SLCO5A1: variants seen among roughly 807,000 people sequenced by gnomAD.
The protein encoded by SLCO5A1 is solute carrier organic anion transporter family member 5A1, also known as organic anion transporter polypeptide-related protein 4.
SLCO5A1 carries 39 observed loss-of-function variants against 65.1 expected under a neutral mutation model. The observed-to-expected ratio is 0.60, with a 90% confidence interval of 0.46 to 0.78. The LOEUF is 0.78. SLCO5A1 is among the 30% of genes least tolerant of loss of function. The probability of loss-of-function intolerance (pLI) is 0.00; values close to 1 mark genes in which losing one functional copy is unlikely to be tolerated. For missense variants in SLCO5A1, 1,029 were observed against 1,069.4 expected (o/e 0.96, Z 0.53); for synonymous variants, 438 against 415.7 (o/e 1.05, Z -0.65).
At chr8:69,676,754 A>G (rs545319449) in intron 8 of SLCO5A1, 81 bp from the exon 9 acceptor site, 2 of 1,228,044 alleles carry the variant, frequency 1.6e-6, no homozygotes, top group South Asian at 2.6e-5. Context: ...GGCTTTGTGC[A>G]GAGCCAGGGA....
chr8:69,710,821 G>A (rs181118874), intron 5 of SLCO5A1, among the ~76,000 whole-genome samples: 97 of 152,296 alleles, frequency 6.4e-4, no homozygotes, highest in African/African-American at 2.2e-3. Context: ...CCATGAAAAT[G>A]TTCTTCGGCG....
At chr8:69,763,340 C>T (rs1246423267) in intron 2 of SLCO5A1, among the ~76,000 whole-genome samples, 5 of 151,034 alleles carry the variant, frequency 3.3e-5, no homozygotes, top group Admixed American at 6.6e-5. Context: ...ACAGGCCAGG[C>T]GCAGTGGCTC....
intron 2 of SLCO5A1, among the ~76,000 whole-genome samples, chr8:69,826,515 A>C (rs1467420556): frequency 2.0e-5 from 3 of 152,338 alleles, no homozygotes; most frequent in African/African-American, 7.2e-5. Flanking sequence ...ATGCAGCCAA[A>C]AAACACACGA....
At chr8:69,800,538 C>T (rs1032269503) in intron 2 of SLCO5A1, among the ~76,000 whole-genome samples, 1 of 152,128 alleles carries the variant, frequency 6.6e-6, no homozygotes, top group African/African-American at 2.4e-5. Context: ...CAAAGGGATA[C>T]CAACTGGCAT....
intron 7 of SLCO5A1, among the ~76,000 whole-genome samples, chr8:69,680,285 C>A (rs1021619393): frequency 1.3e-5 from 2 of 152,182 alleles, no homozygotes; most frequent in African/African-American, 4.8e-5. Flanking sequence ...ACCTCCCTCC[C>A]CATCTCCACC....
chr8:69,773,007 T>G (rs1290843509), intron 2 of SLCO5A1: 2 of 978,402 alleles, frequency 2.0e-6, no homozygotes, highest in African/African-American at 3.5e-5. Context: ...TATAATTAGT[T>G]GGGGAGGGAG....
intron 5 of SLCO5A1, among the ~76,000 whole-genome samples, chr8:69,729,688 AAGAG>A (rs144843428): frequency 6.6e-6 from 1 of 150,624 alleles, no homozygotes; most frequent in East Asian, 1.9e-4. Flanking sequence ...GAATAATTCA[AAGAG>A]AGAGAGAGAG....
Position 69,669,433 on chromosome 8 carries a change from A to C in SLCO5A1, c.*3436T>G, listed in dbSNP as rs555862186. On this transcript the variant is annotated 3_prime_UTR_variant, in exon 10 of 10. Coordinates refer to ENST00000260126, the MANE Select transcript of SLCO5A1 (RefSeq NM_030958.3). ...ATGAATAATGGAGTGAGAGAAATCT[A>C]TGTCTGAATCCTGACTTTACCATTC... 110 of 152,344 alleles carry C rather than the reference A, an allele frequency of 7.2e-4. No homozygotes were observed. Among genetic ancestry groups the C allele is most frequent in the African/African-American group, 2.6e-3 (107 of 41,584 alleles). 9.4% of individuals were successfully genotyped at this position (152,344 alleles called of 1,614,324 possible).
intron 2 of SLCO5A1, among the ~76,000 whole-genome samples, chr8:69,815,685 C>CACACACACAAA (rs1554529390): frequency 9.5e-5 from 14 of 147,086 alleles, no homozygotes; most frequent in African/African-American, 3.6e-4. Flanking sequence ...CACACACACA[C>CACACACACAAA]ACACAAAATT....
intron 2 of SLCO5A1, among the ~76,000 whole-genome samples, chr8:69,826,940 A>G (rs1441584121): frequency 2.0e-5 from 3 of 152,126 alleles, no homozygotes; most frequent in Non-Finnish European, 4.4e-5. Flanking sequence ...AACGTGGCAC[A>G]TATACACCAT....
At position 69,800,245 on chromosome 8, in the gene SLCO5A1, A is replaced by ATTTTTT. The variant is rs749384852; in HGVS notation, c.907+31516_907+31521dup. On this transcript the variant is annotated intron_variant, in intron 2 of 9. Coordinates refer to ENST00000260126, the MANE Select transcript of SLCO5A1 (RefSeq NM_030958.3). ...ATTTTGAAAATTCACAGACGCTTGA[A>ATTTTTT]TTTTTTTTTTTTTTTTTTTTTTTTT... Among the ~76,000 whole-genome samples, 9 of 81,300 alleles carry ATTTTTT rather than the reference A, an allele frequency of 1.1e-4. 1 individual carries two copies. Among genetic ancestry groups the ATTTTTT allele is most frequent in the African/African-American group, 4.1e-4 (8 of 19,334 alleles). 53.3% of individuals were successfully genotyped at this position (81,300 alleles called of 152,430 possible). A position where few individuals can be genotyped will look rare whatever the true frequency, so the allele number is the denominator to read the frequency against.
intron 2 of SLCO5A1, among the ~76,000 whole-genome samples, chr8:69,812,285 T>C (rs931661332): frequency 3.3e-5 from 5 of 152,128 alleles, no homozygotes; most frequent in Non-Finnish European, 7.4e-5. Flanking sequence ...AAGCAAGCTT[T>C]CAAAAAAATC....
chr8:69,748,526 A>C (rs575464888), intron 4 of SLCO5A1, among the ~76,000 whole-genome samples: 1 of 152,330 alleles, frequency 6.6e-6, no homozygotes, highest in South Asian at 2.1e-4. Flanking sequence ...AATTCGATAC[A>C]CAGAAAACAT....
rs570030104 is a variant in SLCO5A1 at position 69,704,200 on chromosome 8, C to CATGA, written c.1622+827_1622+830dup. ...TACAGGTCTGGGCCACTGCACCAGCCATGAGCCTTTTTTAGAGAGCCATTT... is the reference window on the plus strand; with the variant it reads ...TACAGGTCTGGGCCACTGCACCAGCCATGAATGAGCCTTTTTTAGAGAGCCATTT... On this transcript the variant is annotated intron_variant, in intron 6 of 9. Coordinates refer to ENST00000260126, the MANE Select transcript of SLCO5A1 (RefSeq NM_030958.3). Among the ~76,000 whole-genome samples, 452 of 152,316 alleles carry CATGA rather than the reference C, an allele frequency of 3.0e-3. 1 individual carries two copies. The highest frequency in any genetic ancestry group is 0.01 in the African/African-American group (420 of 41,564).
intron 7 of SLCO5A1, 135 bp from the exon 8 acceptor site, chr8:69,679,754 A>C (rs532106396): frequency 8.1e-7 from 1 of 1,239,786 alleles, no homozygotes; most frequent in East Asian, 2.3e-5. Flanking sequence ...TTTCATTGAA[A>C]GTACCTTCCT....
At chr8:69,734,634 G>A (rs1157094341) in intron 5 of SLCO5A1, among the ~76,000 whole-genome samples, 6 of 152,180 alleles carry the variant, frequency 3.9e-5, no homozygotes, top group East Asian at 3.8e-4. Context: ...GTGAACAAGC[G>A]AGCAATAGAA....
chr8:69,829,675 C>T (rs893039050), intron 2 of SLCO5A1, among the ~76,000 whole-genome samples: 6 of 151,974 alleles, frequency 3.9e-5, no homozygotes, highest in Non-Finnish European at 8.8e-5. Flanking sequence ...GACCCTGTCT[C>T]AATCAATCAA....
intron 4 of SLCO5A1, among the ~76,000 whole-genome samples, chr8:69,743,829 C>A (rs774374633): frequency 3.3e-5 from 5 of 152,164 alleles, no homozygotes; most frequent in Non-Finnish European, 7.4e-5. Context: ...CCTATGTGAG[C>A]AAAGACTGGC....
intron 2 of SLCO5A1, among the ~76,000 whole-genome samples, chr8:69,817,877 C>T (rs1820469491): frequency 6.6e-6 from 1 of 152,136 alleles, no homozygotes; most frequent in Admixed American, 6.5e-5. Context: ...AAAGCAGAGC[C>T]AAATGTGTGG....
Sources: gnomAD v4.1 joint callset for allele counts (sites outside exome capture counted in the v4.1 genomes callset) on GRCh38, gnomAD v4.1.1 for gene constraint, MANE v1.5 for transcripts, NCBI Gene and HGNC (gene_info 2026-07-23, HGNC 2026-07-21) for gene names.